SNX3: variants seen among roughly 807,000 people sequenced by gnomAD.
SNX3 encodes sorting nexin 3.
A neutral mutation model predicts 17.7 loss-of-function variants in SNX3; 5 were observed. That is an observed-to-expected ratio of 0.28 (90% CI 0.15 to 0.59). The LOEUF (loss-of-function observed/expected upper bound fraction) is 0.59, where lower values mean the gene tolerates loss of function less well. Among genes scored for constraint, SNX3 ranks in the 20% least tolerant of loss-of-function variants. SNX3 has a pLI of 0.88. For synonymous variants in SNX3, 91 were observed against 76.5 expected, an observed-to-expected ratio of 1.19 and a Z score of -0.99; for missense variants, 132 against 206.8, an observed-to-expected ratio of 0.64 and a Z score of 2.22.
chr6:108,240,079 G>C (rs1478229889), intron 1 of SNX3, among the ~76,000 whole-genome samples: 1 of 152,122 alleles, frequency 6.6e-6, no homozygotes, highest in Non-Finnish European at 1.5e-5. Flanking sequence ...AAAATTCAAT[G>C]AAAAAACTAG....
intron 1 of SNX3, among the ~76,000 whole-genome samples, chr6:108,248,451 A>G (rs1775755845): frequency 6.6e-6 from 1 of 152,226 alleles, no homozygotes; most frequent in South Asian, 2.1e-4. Context: ...TAAACTTAGC[A>G]TTGCAAGTAC....
intron 1 of SNX3, among the ~76,000 whole-genome samples, chr6:108,238,063 C>T (rs990645844): frequency 7.1e-6 from 1 of 141,044 alleles, no homozygotes; most frequent in African/African-American, 2.7e-5. Context: ...GATGGCACCA[C>T]TGCACTCCAG....
At chr6:108,217,946 T>C (rs945148154) in intron 2 of SNX3, among the ~76,000 whole-genome samples, 1 of 152,146 alleles carries the variant, frequency 6.6e-6, no homozygotes, top group African/African-American at 2.4e-5. Context: ...AGATCTTAGT[T>C]AAAAGTACTA....
chr6:108,240,110 T>G (rs1023182478), intron 1 of SNX3, among the ~76,000 whole-genome samples: 8 of 152,194 alleles, frequency 5.3e-5, no homozygotes, highest in Admixed American at 2.0e-4. Context: ...CAAACCACTA[T>G]ATCAGAACTC....
chr6:108,256,972 A>G lies in SNX3; in HGVS notation c.162+3788T>C, dbSNP rs113167190. On this transcript the variant is annotated intron_variant, in intron 1 of 3. Coordinates refer to ENST00000230085, the MANE Select transcript of SNX3 (RefSeq NM_003795.6). ...AGTCTTAAACACTATCCTCAAACCA[A>G]AAGATAAATGGAGATTGGGAAACTT... 4.3e-3 allele frequency among the ~76,000 whole-genome samples: 653 copies of G among 152,324 alleles called. 4 individuals are homozygous for G. Among genetic ancestry groups the G allele is most frequent in the African/African-American group, 0.015 (610 of 41,558 alleles).
intron 1 of SNX3, among the ~76,000 whole-genome samples, chr6:108,231,262 T>A (rs958700823): frequency 2.0e-5 from 3 of 152,154 alleles, no homozygotes; most frequent in African/African-American, 7.2e-5. Context: ...ATTTTTTGTA[T>A]CTTTAGTAGA....
chr6:108,244,107 T>C (rs1336376055), intron 1 of SNX3, among the ~76,000 whole-genome samples: 2 of 152,112 alleles, frequency 1.3e-5, no homozygotes, highest in African/African-American at 4.8e-5. Context: ...TTTCCTTGCT[T>C]TGATAGTTTG....
At chr6:108,223,494 G>GTTTTT (rs1562422738) in intron 1 of SNX3, among the ~76,000 whole-genome samples, 6 of 99,332 alleles carry the variant, frequency 6.0e-5, no homozygotes, top group African/African-American at 3.0e-4. Flanking sequence ...AACTTTGCTA[G>GTTTTT]TTCTTTTTTT....
At chr6:108,222,430 C>A in intron 2 of SNX3, 1 of 1,039,178 alleles carries the variant, frequency 9.6e-7, no homozygotes, top group South Asian at 1.4e-5. Context: ...TTTTAAATTG[C>A]CGGCAGCAAC....
intron 2 of SNX3, among the ~76,000 whole-genome samples, chr6:108,221,306 A>G (rs1457511756): frequency 6.6e-6 from 1 of 150,588 alleles, no homozygotes; most frequent in Non-Finnish European, 1.5e-5. Flanking sequence ...TCTGACATCT[A>G]TATATTTTAC....
At chr6:108,214,652 C>T in intron 2 of SNX3, 30 bp from the exon 3 acceptor site, 1 of 1,601,642 alleles carries the variant, frequency 6.2e-7, no homozygotes, top group Non-Finnish European at 8.5e-7. Flanking sequence ...ACTCCTTGAT[C>T]ATGATGACTG....
chr6:108,245,469 C>T lies in SNX3; in HGVS notation c.162+15291G>A, dbSNP rs944155379. On this transcript the variant is annotated intron_variant, in intron 1 of 3. Coordinates refer to ENST00000230085, the MANE Select transcript of SNX3 (RefSeq NM_003795.6). ...GATTTATAATCCTTTGGGTATATATCCAGTAATGGGATTGCTGGGTCAAAT... is the reference window on the plus strand; with the variant it reads ...GATTTATAATCCTTTGGGTATATATTCAGTAATGGGATTGCTGGGTCAAAT... 3.9e-5 allele frequency among the ~76,000 whole-genome samples: 6 copies of T among 152,142 alleles called. No individual in the cohort carries two copies. In the East Asian group the frequency reaches 1.2e-3, roughly 29 times the overall value.
rs182343037 is a variant in SNX3 at position 108,230,227 on chromosome 6, T to C, written c.163-7182A>G. ...TTAAGATGACTAAAACTTTTGAAATTTAAACAGCAAGATTTAGTATTCTCT... is the reference window on the plus strand; with the variant it reads ...TTAAGATGACTAAAACTTTTGAAATCTAAACAGCAAGATTTAGTATTCTCT... On this transcript the variant is annotated intron_variant, in intron 1 of 3. Transcript: ENST00000230085. Among the ~76,000 whole-genome samples, 521 of 152,194 alleles carry C rather than the reference T, an allele frequency of 3.4e-3. 1 individual carries two copies. Among genetic ancestry groups the C allele is most frequent in the Non-Finnish European group, 5.5e-3 (372 of 68,026 alleles).
At chr6:108,243,021 C>T (rs762624835) in intron 1 of SNX3, among the ~76,000 whole-genome samples, 178 of 152,222 alleles carry the variant, frequency 1.2e-3, no homozygotes, top group Non-Finnish European at 1.7e-3. Context: ...ATTCAGACTT[C>T]TCACTTACAG....
chr6:108,222,184 A>T, intron 2 of SNX3: 2 of 1,298,684 alleles, frequency 1.5e-6, no homozygotes, highest in Non-Finnish European at 2.0e-6. Flanking sequence ...AGTACAGACT[A>T]GCCTTCATCT....
At chr6:108,219,866 ACC>A (rs1379338659) in intron 2 of SNX3, among the ~76,000 whole-genome samples, 8 of 152,328 alleles carry the variant, frequency 5.3e-5, no homozygotes, top group African/African-American at 1.4e-4. Flanking sequence ...TCAGAGATGG[ACC>A]ACTTAAGATA....
At chr6:108,226,424 AT>A (rs1353615935) in intron 1 of SNX3, among the ~76,000 whole-genome samples, 1 of 152,246 alleles carries the variant, frequency 6.6e-6, no homozygotes, top group Non-Finnish European at 1.5e-5. Context: ...GGAGACAGAA[AT>A]GACTTAACAT....
intron 1 of SNX3, among the ~76,000 whole-genome samples, chr6:108,238,748 A>G (rs978319583): frequency 2.6e-5 from 4 of 152,332 alleles, no homozygotes; most frequent in African/African-American, 7.2e-5. Context: ...AGAAACACAC[A>G]AAGTTCAAAT....
intron 1 of SNX3, among the ~76,000 whole-genome samples, chr6:108,224,590 C>T (rs1774920284): frequency 6.6e-6 from 1 of 152,014 alleles, no homozygotes; most frequent in African/African-American, 2.4e-5. Flanking sequence ...CACTTAGCTG[C>T]TTCTAAATGA....
Sources: gnomAD v4.1 joint callset for allele counts (sites outside exome capture counted in the v4.1 genomes callset) on GRCh38, gnomAD v4.1.1 for gene constraint, MANE v1.5 for transcripts, NCBI Gene and HGNC (gene_info 2026-07-23, HGNC 2026-07-21) for gene names.